Variants in MLIP observed in about 807,000 individuals in gnomAD.
The protein encoded by MLIP is muscular LMNA interacting protein.
In MLIP, 79 loss-of-function variants were observed where a neutral mutation model predicts 84.8. The ratio of observed to expected loss-of-function variants is 0.93; its 90% CI spans 0.78 to 1.12. The LOEUF (loss-of-function observed/expected upper bound fraction) is 1.12. Among genes scored for constraint, MLIP ranks in the 50% most tolerant of loss-of-function variants. The pLI is 0.00. For synonymous variants in MLIP, 504 were observed against 463.0 expected (o/e 1.09, Z -1.14); for missense variants, 1,257 against 1,160.6 (o/e 1.08, Z -1.21).
intron 10 of MLIP, among the ~76,000 whole-genome samples, chr6:54,196,272 C>T (rs1778288777): frequency 6.6e-6 from 1 of 152,084 alleles, no homozygotes; most frequent in African/African-American, 2.4e-5. Context: ...TGGTGATTTG[C>T]TGCACCTATC....
At chr6:54,019,090 C>T (rs146529618) in exon 1 of MLIP, 86 of 1,612,044 alleles carry the variant, frequency 5.3e-5, no homozygotes, top group African/African-American at 3.9e-4. Flanking sequence ...GAGAAACTGA[C>T]GGTAAGACAT....
chr6:54,083,266 T>C (rs1424105076), intron 1 of MLIP, among the ~76,000 whole-genome samples: 1 of 152,196 alleles, frequency 6.6e-6, no homozygotes, highest in African/African-American at 2.4e-5. Context: ...GGTCCTTTTT[T>C]AACTTTTAAA....
At chr6:54,255,081 C>A (rs1466097452) in intron 12 of MLIP, among the ~76,000 whole-genome samples, 1 of 152,096 alleles carries the variant, frequency 6.6e-6, no homozygotes, top group East Asian at 1.9e-4. Context: ...GAATGGGACA[C>A]CCTTGACTTC....
intron 1 of MLIP, among the ~76,000 whole-genome samples, chr6:54,055,699 G>A (rs1290189200): frequency 3.9e-5 from 6 of 152,020 alleles, no homozygotes; most frequent in Admixed American, 3.9e-4. Flanking sequence ...TAATAAATAT[G>A]ATTATTAAAA....
At chr6:54,161,032 G>C (rs901282368) in intron 8 of MLIP, among the ~76,000 whole-genome samples, 3 of 151,812 alleles carry the variant, frequency 2.0e-5, no homozygotes, top group South Asian at 2.1e-4. Flanking sequence ...GTGTATACAG[G>C]GTTGCAAAGT....
chr6:54,099,971 A>T (rs995608021), intron 1 of MLIP, among the ~76,000 whole-genome samples: 1 of 152,198 alleles, frequency 6.6e-6, no homozygotes, highest in Non-Finnish European at 1.5e-5. Flanking sequence ...TTTGGAGTAC[A>T]TTCAGTAATC....
chr6:54,262,098 C>T (rs1265228362), intron 13 of MLIP, among the ~76,000 whole-genome samples: 1 of 151,910 alleles, frequency 6.6e-6, no homozygotes, highest in Non-Finnish European at 1.5e-5. Flanking sequence ...AAGGATATTC[C>T]TATACTCGGA....
intron 2 of MLIP, among the ~76,000 whole-genome samples, chr6:54,122,250 C>G (rs1172594282): frequency 1.3e-5 from 2 of 151,994 alleles, no homozygotes; most frequent in Non-Finnish European, 2.9e-5. Flanking sequence ...ATAATAGTAC[C>G]TCACTTTGGC....
At chr6:54,236,579 G>T (rs1353229750) in intron 12 of MLIP, among the ~76,000 whole-genome samples, 2 of 147,880 alleles carry the variant, frequency 1.4e-5, no homozygotes, top group Non-Finnish European at 3.0e-5. Flanking sequence ...TCCAGCCTGG[G>T]CAATAAGAGC....
intron 1 of MLIP, among the ~76,000 whole-genome samples, chr6:54,098,259 G>C (rs556639176): frequency 6.7e-5 from 10 of 149,378 alleles, no homozygotes; most frequent in Non-Finnish European, 1.2e-4. Context: ...GGGCTCAAGA[G>C]CTCCTCCACC....
At chr6:54,215,576 T>C in intron 11 of MLIP, 1 of 215,046 alleles carries the variant, frequency 4.7e-6, no homozygotes, top group Non-Finnish European at 8.4e-6. Flanking sequence ...TTAATCAATG[T>C]AACTATTAAT....
chr6:54,163,929 TG>T (rs961044430), intron 8 of MLIP, among the ~76,000 whole-genome samples: 36 of 152,080 alleles, frequency 2.4e-4, no homozygotes, highest in African/African-American at 7.9e-4. Context: ...ATTATAGTTT[TG>T]CTGCGAATAA....
intron 2 of MLIP, among the ~76,000 whole-genome samples, chr6:54,124,152 C>G (rs1041410885): frequency 1.3e-5 from 2 of 152,156 alleles, no homozygotes; most frequent in African/African-American, 4.8e-5. Context: ...CCATTTGTTT[C>G]ACAAATGTCT....
chr6:54,192,493 CTATT>C (rs753431498), intron 10 of MLIP, among the ~76,000 whole-genome samples: 10 of 151,878 alleles, frequency 6.6e-5, no homozygotes, highest in African/African-American at 2.4e-4. Flanking sequence ...TTAAGTAACA[CTATT>C]TATAAAGTTA....
At chr6:54,253,111 G>T (rs1229889025) in intron 12 of MLIP, among the ~76,000 whole-genome samples, 2 of 152,136 alleles carry the variant, frequency 1.3e-5, no homozygotes. Context: ...CAACGAGTTA[G>T]TTTTAGTTAT....
chr6:54,041,916 C>T (rs1025832177), intron 1 of MLIP, among the ~76,000 whole-genome samples: 1 of 152,032 alleles, frequency 6.6e-6, no homozygotes, highest in African/African-American at 2.4e-5. Context: ...TTATGACAAC[C>T]AAAAATGTCC....
chr6:54,100,553 G>A (rs572648326), intron 1 of MLIP, among the ~76,000 whole-genome samples: 1 of 152,144 alleles, frequency 6.6e-6, no homozygotes, highest in South Asian at 2.1e-4. Context: ...AACTAATGTG[G>A]TTAGTCAGAG....
intron 1 of MLIP, among the ~76,000 whole-genome samples, chr6:54,055,036 C>G (rs367920305): frequency 4.6e-4 from 70 of 152,120 alleles, no homozygotes; most frequent in African/African-American, 1.5e-3. Context: ...TACAGGCGCC[C>G]GCCACCACGC....
intron 9 of MLIP, among the ~76,000 whole-genome samples, chr6:54,183,158 C>A (rs1777053271): frequency 6.6e-6 from 1 of 152,132 alleles, no homozygotes. Context: ...TGTTGTTATG[C>A]TTGGAAACGT....
Sources: gnomAD v4.1 joint callset for allele counts (sites outside exome capture counted in the v4.1 genomes callset) on GRCh38, gnomAD v4.1.1 for gene constraint, MANE v1.5 for transcripts, NCBI Gene and HGNC (gene_info 2026-07-23, HGNC 2026-07-21) for gene names.